The following GPR176 variants were observed in gnomAD, a reference collection of about 807,000 sequenced individuals.
GPR176 encodes the protein G protein-coupled receptor 176.
A neutral mutation model predicts 35.4 loss-of-function variants in GPR176; 26 were observed. The ratio of observed to expected loss-of-function variants is 0.74; its 90% CI spans 0.54 to 1.02. The LOEUF (loss-of-function observed/expected upper bound fraction) is 1.02, where lower values mean the gene tolerates loss of function less well. Among genes scored for constraint, GPR176 ranks in the 50% least tolerant of loss-of-function variants. GPR176 has a pLI of 0.00. For synonymous variants in GPR176, 278 were observed against 271.3 expected (o/e 1.02, Z -0.24); for missense variants, 597 against 665.3 (o/e 0.90, Z 1.13).
intron 1 of GPR176, among the ~76,000 whole-genome samples, chr15:39,843,040 C>A (rs914825320): frequency 4.0e-5 from 6 of 150,938 alleles, no homozygotes; most frequent in Non-Finnish European, 5.9e-5. Context: ...TGGATTCACA[C>A]TATTAAAAAA....
intron 1 of GPR176, among the ~76,000 whole-genome samples, chr15:39,904,600 A>G (rs1337312688): frequency 2.0e-5 from 3 of 152,118 alleles, no homozygotes; most frequent in Non-Finnish European, 4.4e-5. Context: ...CAGACATTTG[A>G]TTTGTGTCCC....
chr15:39,867,764 G>A (rs910502760), intron 1 of GPR176, among the ~76,000 whole-genome samples: 4 of 152,252 alleles, frequency 2.6e-5, no homozygotes, highest in Admixed American at 1.3e-4. Flanking sequence ...GAGGAAAAGA[G>A]TGAAGTGAGG....
At chr15:39,850,657 A>G (rs549679709) in intron 1 of GPR176, among the ~76,000 whole-genome samples, 32 of 152,288 alleles carry the variant, frequency 2.1e-4, no homozygotes, top group African/African-American at 7.7e-4. Context: ...GTCTTGACCT[A>G]TCAATGTCAA....
At chr15:39,833,279 A>C (rs1477580335) in intron 1 of GPR176, among the ~76,000 whole-genome samples, 2 of 152,234 alleles carry the variant, frequency 1.3e-5, no homozygotes, top group African/African-American at 4.8e-5. Context: ...GAATGGACAA[A>C]GAAAATATGG....
intron 1 of GPR176, among the ~76,000 whole-genome samples, chr15:39,893,232 T>G (rs903317593): frequency 4.6e-5 from 7 of 152,172 alleles, no homozygotes; most frequent in Non-Finnish European, 8.8e-5. Context: ...CTGGTTTTCC[T>G]AGGCAGAGGG....
At chr15:39,872,338 G>A (rs756585648) in intron 1 of GPR176, among the ~76,000 whole-genome samples, 6 of 152,152 alleles carry the variant, frequency 3.9e-5, no homozygotes, top group African/African-American at 9.7e-5. Flanking sequence ...AAACATACAC[G>A]ATGTGTACAG....
At chr15:39,842,702 A>G (rs1256968005) in intron 1 of GPR176, among the ~76,000 whole-genome samples, 1 of 152,090 alleles carries the variant, frequency 6.6e-6, no homozygotes, top group African/African-American at 2.4e-5. Flanking sequence ...TGCCTCTAAG[A>G]TCAGACACTG....
Position 39,851,091 on chromosome 15 carries a change from G to A in GPR176, c.173-43833C>T, listed in dbSNP as rs117319084. The stretch of plus-strand genomic sequence containing the variant: ...ACGTTTCTTACTTGAACAACTGTCA[G>A]ACAGATAATGCCATCATTTACTGAG... On this transcript the variant is annotated intron_variant, in intron 1 of 2. Transcript: ENST00000561100. 1.2e-4 allele frequency among the ~76,000 whole-genome samples: 18 copies of A among 152,284 alleles called. No homozygotes were observed. In the East Asian group the frequency reaches 3.3e-3, roughly 28 times the overall value.
chr15:39,847,125 G>A (rs1311751579), intron 1 of GPR176, among the ~76,000 whole-genome samples: 1 of 152,010 alleles, frequency 6.6e-6, no homozygotes, highest in African/African-American at 2.4e-5. Flanking sequence ...CAACCACTAA[G>A]AAAGCAATAT....
intron 1 of GPR176, among the ~76,000 whole-genome samples, chr15:39,836,538 T>A (rs966446187): frequency 4.6e-5 from 7 of 152,126 alleles, no homozygotes; most frequent in East Asian, 1.9e-4. Context: ...AATAATCTCT[T>A]TTCTTTATAA....
At chr15:39,806,980 G>C in intron 2 of GPR176, 26 bp downstream of exon 2, 1 of 1,553,536 alleles carries the variant, frequency 6.4e-7, no homozygotes, top group Non-Finnish European at 8.7e-7. Flanking sequence ...AAAAAAAAAA[G>C]TTAGCTCCTG....
chr15:39,802,104 G>A lies in GPR176; in HGVS notation c.576C>T (p.Cys192=). 4 of 1,614,182 alleles carry A rather than the reference G, an allele frequency of 2.5e-6. No individual in the cohort carries two copies. The highest frequency in any genetic ancestry group is 1.1e-5 in the South Asian group (1 of 91,076). Residue 192 remains cysteine (C), a synonymous_variant, in exon 3 of 3, where the codon TGC becomes TGT. Transcript: ENST00000561100. ...NVADIYATST[C]TEVWSNSLGH... is the part of the protein sequence containing the mutation. ...CCAAGGAGTTGCTCCAGACTTCCGTGCAGGTGGACGTGGCATAGATGTCAG... is the reference window on the plus strand; with the variant it reads ...CCAAGGAGTTGCTCCAGACTTCCGTACAGGTGGACGTGGCATAGATGTCAG...
At chr15:39,885,060 T>G (rs2032621175) in intron 1 of GPR176, among the ~76,000 whole-genome samples, 1 of 152,190 alleles carries the variant, frequency 6.6e-6, no homozygotes, top group Non-Finnish European at 1.5e-5. Flanking sequence ...TTTTTTCCCT[T>G]CAAGAAATAG....
chr15:39,898,078 G>T (rs2033171943), intron 1 of GPR176, among the ~76,000 whole-genome samples: 1 of 152,300 alleles, frequency 6.6e-6, no homozygotes, highest in African/African-American at 2.4e-5. Context: ...CCATATTAGT[G>T]AAAACATTCT....
chr15:39,848,915 TAAA>T (rs35585820), intron 1 of GPR176, among the ~76,000 whole-genome samples: 1 of 84,856 alleles, frequency 1.2e-5, no homozygotes, highest in Non-Finnish European at 2.6e-5. Flanking sequence ...AAAAGCAAAG[TAAA>T]AAAAAAAAAA....
At chr15:39,827,990 T>C (rs1036347114) in intron 1 of GPR176, among the ~76,000 whole-genome samples, 2 of 152,194 alleles carry the variant, frequency 1.3e-5, no homozygotes, top group Admixed American at 1.3e-4. Flanking sequence ...GCTGTCAACA[T>C]GGATTATCTC....
intron 1 of GPR176, among the ~76,000 whole-genome samples, chr15:39,872,471 A>C (rs2032079567): frequency 6.6e-6 from 1 of 152,134 alleles, no homozygotes; most frequent in Non-Finnish European, 1.5e-5. Flanking sequence ...ATCAAAATAG[A>C]CCAACTTTAT....
intron 1 of GPR176, among the ~76,000 whole-genome samples, chr15:39,893,805 A>C (rs868207575): frequency 4.8e-5 from 5 of 104,606 alleles, no homozygotes; most frequent in Non-Finnish European, 9.4e-5. Flanking sequence ...TCCCTCCCGG[A>C]TGGGGCGGCT....
intron 1 of GPR176, among the ~76,000 whole-genome samples, chr15:39,831,225 T>G (rs2140828331): frequency 6.6e-6 from 1 of 152,278 alleles, no homozygotes; most frequent in South Asian, 2.1e-4. Context: ...CCTCTCTGCA[T>G]CTCCTACATT....
Sources: allele counts gnomAD v4.1 joint callset (sites outside exome capture counted in the v4.1 genomes callset), GRCh38; gene constraint gnomAD v4.1.1; transcripts MANE v1.5; gene names NCBI Gene and HGNC (gene_info 2026-07-23, HGNC 2026-07-21).